The following RBM19 variants were observed in gnomAD, a reference collection of about 807,000 sequenced individuals.
RBM19 encodes RNA binding motif protein 19.
Under a neutral mutation model 116.8 loss-of-function variants are expected in RBM19, and 94 were observed. The observed-to-expected ratio is 0.80, with a 90% confidence interval of 0.68 to 0.95. The LOEUF is 0.95. Among genes scored for constraint, RBM19 ranks in the 40% least tolerant of loss-of-function variants. The pLI is 0.00. For synonymous variants in RBM19, 475 were observed against 494.1 expected, an observed-to-expected ratio of 0.96 and a Z score of 0.51; for missense variants, 1,161 against 1,220.7, an observed-to-expected ratio of 0.95 and a Z score of 0.73.
intron 17 of RBM19, among the ~76,000 whole-genome samples, chr12:113,925,805 G>C (rs1353673883): frequency 6.6e-6 from 1 of 152,084 alleles, no homozygotes; most frequent in Non-Finnish European, 1.5e-5. Flanking sequence ...CATCTCCCAG[G>C]AAACAATGAT....
At chr12:113,820,566 A>T (rs4766697), downstream of RBM19, among the ~76,000 whole-genome samples, 4,420 of 152,188 alleles carry the variant, frequency 0.029, 118 homozygotes, top group East Asian at 0.12. Flanking sequence ...GAAGCTGCAG[A>T]CTGACATGAT....
chr12:113,856,152 G>C (rs781387911), intron 22 of RBM19, among the ~76,000 whole-genome samples: 1 of 152,160 alleles, frequency 6.6e-6, no homozygotes, highest in Non-Finnish European at 1.5e-5. Flanking sequence ...AGTTGAGCCT[G>C]TACTGTCCTC....
chr12:113,938,919 G>A (rs1007865084), intron 15 of RBM19, among the ~76,000 whole-genome samples: 1 of 152,136 alleles, frequency 6.6e-6, no homozygotes, highest in African/African-American at 2.4e-5. Context: ...CGGAACCGTG[G>A]GATGATCTAT....
intron 14 of RBM19, among the ~76,000 whole-genome samples, chr12:113,940,433 C>T (rs1010720297): frequency 2.0e-5 from 3 of 152,230 alleles, no homozygotes; most frequent in Non-Finnish European, 4.4e-5. Flanking sequence ...CTGAGCAGGG[C>T]CGCACTTTCC....
rs1011448296 is a variant in RBM19 at position 113,826,857 on chromosome 12, G to A, written c.2786-3536C>T. ...GCACTCATGGGGCGGGGGCTCTTAC[G>A]CGGAGCCTGGCTTTGTGGCCTTGAT... On this transcript the variant is annotated intron_variant, in intron 23 of 23. Transcript: ENST00000261741. Among the ~76,000 whole-genome samples, 6 of 152,228 alleles carry A rather than the reference G, an allele frequency of 3.9e-5. No individual in the cohort carries two copies. In the South Asian group the frequency reaches 6.2e-4, roughly 16 times the overall value.
chr12:113,917,533 C>T (rs1882840792), intron 20 of RBM19, among the ~76,000 whole-genome samples: 1 of 152,186 alleles, frequency 6.6e-6, no homozygotes, highest in Non-Finnish European at 1.5e-5. Flanking sequence ...GGGTGAAAAA[C>T]ACCAGAGCTG....
rs78839731 is a variant in RBM19 at position 113,965,466 on chromosome 12, G to A, written c.36+726C>T. 3.0e-3 allele frequency among the ~76,000 whole-genome samples: 456 copies of A among 152,152 alleles called. 16 individuals are homozygous for A. The East Asian group carries it at 0.076, about 25-fold the overall frequency. ...TAAAAATCCTCATCCCACAAAGCGA[G>A]GCATCAAGAGACACTGTCTAACCTG... On this transcript the variant is annotated intron_variant, in intron 1 of 23. Transcript: ENST00000261741.
intron 21 of RBM19, among the ~76,000 whole-genome samples, chr12:113,859,615 T>C (rs4767149): frequency 0.18 from 27,636 of 152,010 alleles, 3,239 homozygotes; most frequent in East Asian, 0.47. Context: ...CCGGTTCCCT[T>C]CTCTCCTCTC....
intron 22 of RBM19, among the ~76,000 whole-genome samples, chr12:113,846,545 G>T (rs761331139): frequency 6.6e-6 from 1 of 152,166 alleles, no homozygotes; most frequent in African/African-American, 2.4e-5. Context: ...GGCAAATGCC[G>T]TGGGGAGATG....
Position 113,960,171 on chromosome 12 carries a change from A to AACTCC in RBM19, c.222_226dup (p.Phe76TrpfsTer54). The stretch of plus-strand genomic sequence containing the variant: ...GGCCGGGTCCCCGAATGACTTGCAG[A>AACTCC]ACTCCACCTGTGTGGGAAAGAGAGT... On this transcript the variant is annotated frameshift_variant, in exon 3 of 24. Coordinates refer to ENST00000261741, the MANE Select transcript of RBM19 (RefSeq NM_016196.4). LOFTEE classifies it high-confidence loss of function. 1 of 1,613,564 alleles carries AACTCC rather than the reference A, an allele frequency of 6.2e-7. No individual in the cohort carries two copies. Among genetic ancestry groups the AACTCC allele is most frequent in the Non-Finnish European group, 8.5e-7 (1 of 1,180,002 alleles).
Position 113,960,130 on chromosome 12 carries a change from T to C in RBM19, c.268A>G (p.Ser90Gly), listed in dbSNP as rs1215297978. The change falls in exon 3 of 24, where the codon AGC becomes GGC. Residue 90 changes from serine to glycine, a missense_variant. By Grantham distance (56) the Ser-to-Gly change is moderately conservative. Transcript: ENST00000261741. ...TGGCTTGGTTTCTGGGCATGTTTGC[T>C]CCAGGCTCTGGGTTTGGCCGGGTCC... is the stretch of plus-strand genomic sequence containing the variant. The part of the protein sequence containing the change: ...FGDPAKPRAW[S>G]KHAQKPSQPK... The C allele has an allele frequency of 1.2e-6, 2 of 1,614,190 alleles. No homozygotes were observed. Among genetic ancestry groups the C allele is most frequent in the Middle Eastern group, 1.7e-4 (1 of 6,026 alleles).
At chr12:113,844,568 T>A in intron 23 of RBM19, 100 bp downstream of exon 23, 1 of 1,442,918 alleles carries the variant, frequency 6.9e-7, no homozygotes, top group Non-Finnish European at 9.2e-7. Flanking sequence ...CTTGTGCCCA[T>A]AGCCTGCTGG....
chr12:113,936,636 C>T (rs1446874194), intron 16 of RBM19, among the ~76,000 whole-genome samples: 1 of 152,258 alleles, frequency 6.6e-6, no homozygotes, highest in Non-Finnish European at 1.5e-5. Context: ...CATCAGAGGG[C>T]ACTGCCACTC....
intron 21 of RBM19, among the ~76,000 whole-genome samples, chr12:113,894,680 A>C (rs1366601030): frequency 1.3e-5 from 2 of 152,232 alleles, no homozygotes; most frequent in East Asian, 3.8e-4. Flanking sequence ...TAGATGAGGA[A>C]TCTACCTGCT....
At chr12:113,934,970 T>C (rs530168567) in intron 16 of RBM19, among the ~76,000 whole-genome samples, 40 of 152,204 alleles carry the variant, frequency 2.6e-4, no homozygotes, top group African/African-American at 9.6e-4. Context: ...CCCCCCGGGG[T>C]GCTGGGTACC....
chr12:113,939,934 C>G (rs1870405746), intron 15 of RBM19, 26 bp downstream of exon 15: 4 of 1,609,874 alleles, frequency 2.5e-6, no homozygotes, highest in Admixed American at 3.3e-5. Context: ...TTCTCCAGAT[C>G]AATTCTGGGT....
intron 10 of RBM19, among the ~76,000 whole-genome samples, chr12:113,948,424 G>C (rs1485292704): frequency 6.6e-6 from 1 of 152,182 alleles, no homozygotes; most frequent in African/African-American, 2.4e-5. Flanking sequence ...ACATAATTAA[G>C]AGTTCAGATA....
intron 21 of RBM19, among the ~76,000 whole-genome samples, chr12:113,872,276 A>G (rs1286211590): frequency 8.1e-6 from 1 of 122,706 alleles, no homozygotes; most frequent in Non-Finnish European, 1.7e-5. Context: ...AAGTGAGGAG[A>G]CCCTCTGCCT....
chr12:113,828,116 A>T (rs1875039666), intron 23 of RBM19, among the ~76,000 whole-genome samples: 2 of 151,680 alleles, frequency 1.3e-5, no homozygotes, highest in Non-Finnish European at 2.9e-5. Flanking sequence ...AAAAAAAAAA[A>T]AAAAAGTGAC....
Sources: gnomAD v4.1 joint callset for allele counts (sites outside exome capture counted in the v4.1 genomes callset) on GRCh38, gnomAD v4.1.1 for gene constraint, MANE v1.5 for transcripts, NCBI Gene and HGNC (gene_info 2026-07-23, HGNC 2026-07-21) for gene names.